The following DNASE1 variants were observed in gnomAD, a reference collection of about 807,000 sequenced individuals.
DNASE1 encodes the protein deoxyribonuclease 1.
A neutral mutation model predicts 33.9 loss-of-function variants in DNASE1; 40 were observed. The observed-to-expected ratio is 1.18, with a 90% CI of 0.92 to 1.54. The LOEUF (loss-of-function observed/expected upper bound fraction) is 1.54. Ranked by LOEUF, DNASE1 falls within the 40% of genes most tolerant of loss-of-function variation. The pLI is 0.00. For synonymous variants in DNASE1, 216 were observed against 160.0 expected, an observed-to-expected ratio of 1.35 and a Z score of -2.64; for missense variants, 518 against 372.6, an observed-to-expected ratio of 1.39 and a Z score of -3.21.
chr16:3,639,459 C>T (rs1596603026), upstream of DNASE1, among the ~76,000 whole-genome samples: 2 of 152,194 alleles, frequency 1.3e-5, no homozygotes, highest in East Asian at 3.8e-4. Context: ...ACTGTGTTAG[C>T]GTCCTCGCAC....
intron 1 of DNASE1, among the ~76,000 whole-genome samples, chr16:3,615,475 A>G (rs974690081): frequency 6.6e-6 from 1 of 152,128 alleles, no homozygotes; most frequent in African/African-American, 2.4e-5. Context: ...GTTCAGAAAC[A>G]GTGTTACTAG....
At chr16:3,656,272 C>G (rs1241806873) in intron 4 of DNASE1, 87 bp downstream of exon 4, 14 of 1,411,390 alleles carry the variant, frequency 9.9e-6, no homozygotes, top group Non-Finnish European at 1.3e-5. Context: ...ATTAGTTTGT[C>G]CTATGGCAAG....
At chr16:3,623,760 C>T (rs892129525) in intron 1 of DNASE1, among the ~76,000 whole-genome samples, 3 of 151,992 alleles carry the variant, frequency 2.0e-5, no homozygotes, top group Non-Finnish European at 4.4e-5. Flanking sequence ...GACAAGAACA[C>T]ATACTTCTCA....
At chr16:3,638,778 A>T (rs1216833771), upstream of DNASE1, among the ~76,000 whole-genome samples, 1 of 152,214 alleles carries the variant, frequency 6.6e-6, no homozygotes, top group Non-Finnish European at 1.5e-5. Context: ...CACATTAGAC[A>T]GCTTGATAGT....
chr16:3,635,212 C>T (rs943329581), intron 1 of DNASE1, among the ~76,000 whole-genome samples: 1 of 152,028 alleles, frequency 6.6e-6, no homozygotes, highest in African/African-American at 2.4e-5. Flanking sequence ...AATCCCAGCA[C>T]TTTGGGAGGC....
chr16:3,614,112 C>T (rs1160114587), intron 1 of DNASE1, among the ~76,000 whole-genome samples: 8 of 152,140 alleles, frequency 5.3e-5, no homozygotes, highest in South Asian at 2.1e-4. Context: ...CGGGGTTTCA[C>T]CATATTAGCC....
At chr16:3,658,171 G>A (rs764258569), downstream of DNASE1, 1 of 1,614,060 alleles carries the variant, frequency 6.2e-7, no homozygotes, top group South Asian at 1.1e-5. Flanking sequence ...CATTCAAGCG[G>A]CCCACCATGG....
chr16:3,636,089 T>C (rs1176732571), intron 1 of DNASE1, among the ~76,000 whole-genome samples: 1 of 152,228 alleles, frequency 6.6e-6, no homozygotes, highest in Non-Finnish European at 1.5e-5. Context: ...TTTCTAATTG[T>C]CCCACAGTTC....
chr16:3,658,867 T>TGCAACACAGAAC, downstream of DNASE1: 2 of 1,613,940 alleles, frequency 1.2e-6, no homozygotes, highest in Non-Finnish European at 1.7e-6. Flanking sequence ...AGCGCGTGCC[T>TGCAACACAGAAC]GCAACACAGA....
At chr16:3,644,103 TA>T (rs1424742289) in intron 1 of DNASE1, among the ~76,000 whole-genome samples, 4 of 152,178 alleles carry the variant, frequency 2.6e-5, no homozygotes, top group Non-Finnish European at 5.9e-5. Flanking sequence ...TTGGAATTCA[TA>T]AAAAATATAA....
chr16:3,620,810 A>T (rs2041281727), intron 1 of DNASE1, among the ~76,000 whole-genome samples: 1 of 148,842 alleles, frequency 6.7e-6, no homozygotes, highest in Non-Finnish European at 1.5e-5. Context: ...AAAGTTTATT[A>T]TTTATTTTGA....
chr16:3,657,957 G>A lies in DNASE1; in HGVS notation c.*4G>A. On this transcript the variant is annotated 3_prime_UTR_variant, in exon 9 of 9. Transcript: ENST00000246949. ...AGTGGAGGTGATGCTGAAGTGAGCA[G>A]CCCCTCCCCACACCAGTTGAACTGC... 6.2e-7 allele frequency: 1 copy of A among 1,613,814 alleles called. No homozygotes were observed. Among genetic ancestry groups the A allele is most frequent in the Non-Finnish European group, 8.5e-7 (1 of 1,179,900 alleles).
downstream of DNASE1, chr16:3,658,209 C>G (rs745658862): frequency 1.2e-6 from 2 of 1,613,918 alleles, no homozygotes; most frequent in Non-Finnish European, 1.7e-6. Context: ...AGTCCAGCAG[C>G]AATCATGGCG....
chr16:3,650,903 G>A (rs1173742299), upstream of DNASE1: 2 of 152,232 alleles, frequency 1.3e-5, no homozygotes, highest in African/African-American at 4.8e-5. Flanking sequence ...CAGAGAGAGG[G>A]AAGATACCCT....
At chr16:3,626,227 A>G (rs1461727991) in intron 1 of DNASE1, among the ~76,000 whole-genome samples, 1 of 152,186 alleles carries the variant, frequency 6.6e-6, no homozygotes, top group Non-Finnish European at 1.5e-5. Flanking sequence ...AAAAACAGGC[A>G]AGAGACTTGA....
chr16:3,639,510 C>A (rs1462038939), upstream of DNASE1, among the ~76,000 whole-genome samples: 4 of 152,190 alleles, frequency 2.6e-5, no homozygotes, highest in African/African-American at 9.7e-5. Flanking sequence ...ACAGCCCAGT[C>A]GACGTCATCA....
chr16:3,657,611 C>G, intron 7 of DNASE1, 109 bp from the exon 8 acceptor site: 1 of 1,484,622 alleles, frequency 6.7e-7, no homozygotes, highest in Non-Finnish European at 9.2e-7. Flanking sequence ...TTTGGGCACC[C>G]ACAGACCTGC....
Position 3,656,744 on chromosome 16 carries a change from C to G in DNASE1, c.427C>G (p.Arg143Gly), listed in dbSNP as rs374554105. The G allele has an allele frequency of 1.2e-6, 2 of 1,607,756 alleles. No individual in the cohort carries two copies. Among genetic ancestry groups the G allele is most frequent in the South Asian group, 1.1e-5 (1 of 89,870 alleles). ...GCCAGCCATTGTCAGGTTCTTCTCCCGGTTCACAGGTGGGTGCTGCCTGGG... is the reference window on the plus strand; with the variant it reads ...GCCAGCCATTGTCAGGTTCTTCTCCGGGTTCACAGGTGGGTGCTGCCTGGG... ...REPAIVRFFS[R>G]FTEVREFAIV... Residue 143 changes from arginine to glycine, a missense_variant, in exon 5 of 9, where the codon CGG becomes GGG. Physicochemically the swap from Arg to Gly is moderately radical, Grantham distance 125. Coordinates refer to ENST00000246949, the MANE Select transcript of DNASE1 (RefSeq NM_005223.4).
upstream of DNASE1, chr16:3,653,830 A>AAAAAAAAAAAAAAAC (rs2042430006): frequency 2.7e-5 from 4 of 146,398 alleles, no homozygotes; most frequent in African/African-American, 7.7e-5. Context: ...AAAAAAAAAA[A>AAAAAAAAAAAAAAAC]AAAAAAAAAA....
Sources: allele counts gnomAD v4.1 joint callset (sites outside exome capture counted in the v4.1 genomes callset), GRCh38; gene constraint gnomAD v4.1.1; transcripts MANE v1.5; gene names NCBI Gene and HGNC (gene_info 2026-07-23, HGNC 2026-07-21).